The following SLC25A46 variants were observed in gnomAD, a reference collection of about 807,000 sequenced individuals.
SLC25A46 encodes the protein mitochondrial outer membrane protein SLC25A46.
SLC25A46 carries 39 observed loss-of-function variants against 44.6 expected under a neutral mutation model. The ratio of observed to expected loss-of-function variants is 0.87; its 90% CI spans 0.68 to 1.14. SLC25A46 has a LOEUF of 1.14. SLC25A46 is among the 50% of genes most tolerant of loss of function. The pLI is 0.00. For synonymous variants in SLC25A46, 202 were observed against 185.8 expected, an observed-to-expected ratio of 1.09 and a Z score of -0.71; for missense variants, 547 against 522.7, an observed-to-expected ratio of 1.05 and a Z score of -0.45.
At chr5:110,738,252 T>G, upstream of SLC25A46, 10 of 1,286,706 alleles carry the variant, frequency 7.8e-6, 1 homozygote, top group South Asian at 1.2e-4. Flanking sequence ...AAACAGGTAG[T>G]AGGGGACGCT....
chr5:110,762,557 C>T lies in SLC25A46; in HGVS notation c.*775C>T, dbSNP rs889973685. The T allele has an allele frequency of 3.3e-5, 5 of 151,750 alleles. No individual in the cohort carries two copies. The highest frequency in any genetic ancestry group is 7.4e-5 in the Non-Finnish European group (5 of 67,870). The allele number at this position is 151,750 out of a possible 1,614,324, so 9.4% of individuals were successfully genotyped here. The stretch of plus-strand genomic sequence containing the variant: ...TTGTCCATATCCAAACCCAGTGTTT[C>T]AGTGCTAGCAACTTAATTTCTCATA... On this transcript the variant is annotated 3_prime_UTR_variant, in exon 8 of 8. Transcript: ENST00000355943.
intron 7 of SLC25A46, among the ~76,000 whole-genome samples, chr5:110,760,340 TA>T (rs1800218129): frequency 1.3e-5 from 2 of 152,136 alleles, no homozygotes; most frequent in Non-Finnish European, 2.9e-5. Flanking sequence ...ATCATTCCAG[TA>T]ACTTTTGAAC....
At chr5:110,755,119 T>C (rs1212505163) in intron 5 of SLC25A46, 1 of 170,220 alleles carries the variant, frequency 5.9e-6, no homozygotes, top group African/African-American at 2.4e-5. Context: ...TGTAAAGCCT[T>C]TTTTAATCCT....
chr5:110,750,966 T>A (rs910973362), intron 5 of SLC25A46, among the ~76,000 whole-genome samples: 3 of 152,202 alleles, frequency 2.0e-5, no homozygotes, highest in African/African-American at 7.2e-5. Context: ...TAAAATTTTA[T>A]CATCTAACTT....
At chr5:110,743,262 A>C (rs990751619) in intron 2 of SLC25A46, among the ~76,000 whole-genome samples, 4 of 152,108 alleles carry the variant, frequency 2.6e-5, no homozygotes, top group African/African-American at 9.6e-5. Flanking sequence ...ACTTAAATTT[A>C]TACTTAAACC....
intron 2 of SLC25A46, among the ~76,000 whole-genome samples, chr5:110,742,566 A>T (rs568011666): frequency 6.6e-6 from 1 of 152,090 alleles, no homozygotes; most frequent in Non-Finnish European, 1.5e-5. Context: ...GTTTCATTTT[A>T]TACCGTAGAT....
At chr5:110,750,437 A>G (rs897322859) in intron 5 of SLC25A46, among the ~76,000 whole-genome samples, 5 of 152,244 alleles carry the variant, frequency 3.3e-5, no homozygotes, top group African/African-American at 1.2e-4. Context: ...AAAAAATTCA[A>G]TGCAGTTGTT....
At position 110,756,890 on chromosome 5, in the gene SLC25A46, TCA is replaced by T. The variant is rs372054313; in HGVS notation, c.678+134_678+135del. The T allele has an allele frequency of 4.1e-4, 210 of 508,406 alleles. 1 individual carries two copies. Among genetic ancestry groups the T allele is most frequent in the African/African-American group, 3.8e-3 (190 of 49,990 alleles). 31.5% of individuals were successfully genotyped at this position (508,406 alleles called of 1,614,324 possible). A position where few individuals can be genotyped will look rare whatever the true frequency, so the allele number is the denominator to read the frequency against. ...TCTTAAAATATTTATTTTATAAATA[TCA>T]CAGTTATATCGCACGTTGCTTGTCT... On this transcript the variant is annotated intron_variant, in intron 7 of 7. Transcript: ENST00000355943.
At chr5:110,755,371 T>C in intron 5 of SLC25A46, 94 bp from the exon 6 acceptor site, 2 of 734,486 alleles carry the variant, frequency 2.7e-6, no homozygotes, top group Non-Finnish European at 4.6e-6. Context: ...TTGAAAAAAA[T>C]TAGAAGTTGA....
At chr5:110,750,156 G>A (rs1189466362) in intron 5 of SLC25A46, among the ~76,000 whole-genome samples, 3 of 151,290 alleles carry the variant, frequency 2.0e-5, no homozygotes, top group African/African-American at 4.9e-5. Context: ...GAAGGACCTC[G>A]TAGTCTTGAA....
At chr5:110,742,376 A>G (rs1580855657) in intron 2 of SLC25A46, among the ~76,000 whole-genome samples, 1 of 152,288 alleles carries the variant, frequency 6.6e-6, no homozygotes, top group East Asian at 1.9e-4. Context: ...AAATAAAATG[A>G]AGTGTAATCT....
Position 110,748,233 on chromosome 5 carries a change from G to T in SLC25A46, c.533G>T (p.Gly178Val), listed in dbSNP as rs528118058. ...IVQGVTLGAE[G>V]IISEFTPLPR... ...CAGGGAGTCACACTTGGAGCAGAAG[G>T]CATAATTAGTGAATTTACACCTTTG... Residue 178 changes from glycine to valine, a missense_variant, in exon 5 of 8, where the codon GGC (glycine) becomes GTC (valine). Physicochemically the swap from Gly to Val is moderately radical, Grantham distance 109. Transcript: ENST00000355943. 18 of 1,613,350 alleles carry T rather than the reference G, an allele frequency of 1.1e-5. No individual in the cohort carries two copies. In the South Asian group the frequency reaches 1.4e-4, roughly 13 times the overall value.
intron 1 of SLC25A46, chr5:110,741,785 C>G: frequency 3.2e-6 from 1 of 315,716 alleles, no homozygotes; most frequent in Non-Finnish European, 5.8e-6. Context: ...GGCCCACACT[C>G]TAATGTGGCA....
At chr5:110,758,320 C>T (rs1044381579) in intron 7 of SLC25A46, among the ~76,000 whole-genome samples, 4 of 152,230 alleles carry the variant, frequency 2.6e-5, no homozygotes, top group Admixed American at 2.0e-4. Flanking sequence ...AATCTTCAGA[C>T]TCAACTTTTA....
intron 2 of SLC25A46, among the ~76,000 whole-genome samples, chr5:110,742,388 A>C (rs1799713524): frequency 6.6e-6 from 1 of 152,024 alleles, no homozygotes; most frequent in Admixed American, 6.6e-5. Flanking sequence ...GTGTAATCTT[A>C]TCTCTCTCCC....
upstream of SLC25A46, chr5:110,738,877 G>A: frequency 2.1e-6 from 2 of 948,308 alleles, no homozygotes; most frequent in Non-Finnish European, 3.0e-6. Flanking sequence ...ATTCCCTAAC[G>A]ACAACAAACT....
At chr5:110,756,866 C>T (rs910004747) in intron 7 of SLC25A46, 107 bp downstream of exon 7, 7 of 611,022 alleles carry the variant, frequency 1.1e-5, no homozygotes, top group Middle Eastern at 5.0e-4. Context: ...AAGACTATGT[C>T]TTAAAATATT....
At chr5:110,746,431 C>A (rs1799822501) in intron 4 of SLC25A46, 85 bp downstream of exon 4, 1 of 883,066 alleles carries the variant, frequency 1.1e-6, no homozygotes, top group Non-Finnish European at 1.7e-6. Flanking sequence ...TAATTACTTT[C>A]AGTTTGGTCA....
At chr5:110,743,002 A>G (rs1399094878) in intron 2 of SLC25A46, among the ~76,000 whole-genome samples, 2 of 152,104 alleles carry the variant, frequency 1.3e-5, no homozygotes, top group Non-Finnish European at 1.5e-5. Flanking sequence ...TAATGTCAAT[A>G]TAAATAAAAT....
Sources: allele counts gnomAD v4.1 joint callset (sites outside exome capture counted in the v4.1 genomes callset), GRCh38; gene constraint gnomAD v4.1.1; transcripts MANE v1.5; gene names NCBI Gene and HGNC (gene_info 2026-07-23, HGNC 2026-07-21).